ADGRB2: variants seen among roughly 807,000 people sequenced by gnomAD.
ADGRB2 encodes brain-specific angiogenesis inhibitor 2.
Under a neutral mutation model 178.7 loss-of-function variants are expected in ADGRB2, and 47 were observed. The ratio of observed to expected loss-of-function variants is 0.26; its 90% CI spans 0.21 to 0.34. The LOEUF is 0.34. ADGRB2 is among the 10% of genes least tolerant of loss of function. The pLI, the probability that ADGRB2 is intolerant of heterozygous loss-of-function variation, is 1.00. For synonymous variants in ADGRB2, 870 were observed against 912.4 expected, an observed-to-expected ratio of 0.95 and a Z score of 0.84; for missense variants, 1,584 against 2,180.8, an observed-to-expected ratio of 0.73 and a Z score of 5.45.
intron 14 of ADGRB2, 111 bp downstream of exon 14, chr1:31,739,815 G>C: frequency 1.6e-6 from 2 of 1,230,250 alleles, no homozygotes; most frequent in South Asian, 1.4e-5. Context: ...AGATGAAGGA[G>C]AGGGTAGAAT....
rs1307871282 is a variant in ADGRB2, at chr1:31,740,749, A to G, written c.1795-208T>C. ...GAGAATCCCAAAGGGTACTTTAAAA[A>G]AGACTGAAATAGAAACACCTAGAGA... is the stretch of plus-strand genomic sequence containing the variant. On this transcript the variant is annotated intron_variant, in intron 11 of 32. Coordinates refer to ENST00000373658, the MANE Select transcript of ADGRB2 (RefSeq NM_001364857.2). This position sits in a 1 kb window ranked among gnomAD's most constrained non-coding sequence, Gnocchi z 5.9. 6.6e-6 allele frequency among the ~76,000 whole-genome samples: 1 copy of G among 152,152 alleles called. No individual in the cohort carries two copies. The highest frequency in any genetic ancestry group is 1.5e-5 in the Non-Finnish European group (1 of 68,030).
chr1:31,749,044 C>T (rs759289550), intron 4 of ADGRB2, among the ~76,000 whole-genome samples: 6 of 152,180 alleles, frequency 3.9e-5, no homozygotes, highest in African/African-American at 7.2e-5. Context: ...TGGACCTCCT[C>T]GGAGACACCT....
chr1:31,746,348 C>G (rs551607964), intron 4 of ADGRB2, among the ~76,000 whole-genome samples: 90 of 152,260 alleles, frequency 5.9e-4, no homozygotes, highest in African/African-American at 2.1e-3. Context: ...CTCTGAATAG[C>G]ATCTGCAGTT....
chr1:31,739,354 C>T lies in ADGRB2; in HGVS notation c.2449G>A (p.Gly817Ser). The part of the protein sequence containing the change: ...DPDESSYFVI[G>S]AVLYRTLGLI... ...CCAAGGGTGCGGTAGAGTACAGCAC[C>T]GATCACAAAGTAGGAGGACTCATCA... The change falls in exon 15 of 33, where the codon GGT becomes AGT. Residue 817 changes from glycine (G) to serine (S), a missense_variant. Transcript: ENST00000373658. 1 of 1,496,920 alleles carries T rather than the reference C, an allele frequency of 6.7e-7. No individual in the cohort carries two copies. Among genetic ancestry groups the T allele is most frequent in the Non-Finnish European group, 8.9e-7 (1 of 1,120,636 alleles). The allele number at this position is 1,496,920 out of a possible 1,614,324, so 92.7% of individuals were successfully genotyped here.
At chr1:31,737,401 C>T (rs771843709) in intron 20 of ADGRB2, 28 bp downstream of exon 20, 3 of 1,592,632 alleles carry the variant, frequency 1.9e-6, no homozygotes, top group Admixed American at 1.7e-5. Flanking sequence ...CACTCACACC[C>T]CTGGCAGCCC....
intron 21 of ADGRB2, 74 bp downstream of exon 21, chr1:31,736,499 G>A: frequency 6.3e-7 from 1 of 1,598,802 alleles, no homozygotes; most frequent in Non-Finnish European, 8.5e-7. Flanking sequence ...CTGGGCCAGG[G>A]CCAAAGCTGA....
chr1:31,756,687 C>A lies in ADGRB2; in HGVS notation c.150G>T (p.Gly50=). ...GAAAGAGGTCCTGCAGCGAGAAGGC[C>A]CCGTAGAGCACACCCGAGGCCAGGG... is the stretch of plus-strand genomic sequence containing the variant. The part of the protein sequence containing the change: ...CSALASGVLY[G]AFSLQDLFPT... Residue 50 remains glycine (G), a synonymous_variant, in exon 4 of 33, where the codon GGG becomes GGT. Coordinates refer to ENST00000373658, the MANE Select transcript of ADGRB2 (RefSeq NM_001364857.2). This position sits in a 1 kb window ranked among gnomAD's most constrained non-coding sequence, Gnocchi z 8.5. 6.2e-7 allele frequency: 1 copy of A among 1,608,056 alleles called. No homozygotes were observed. The highest frequency in any genetic ancestry group is 8.5e-7 in the Non-Finnish European group (1 of 1,177,454).
rs907840163 is a variant in ADGRB2 at position 31,761,125 on chromosome 1, G to C, written c.-191+2759C>G. ...TGGAGCCGCCGTTGCTACAGGAACC[G>C]AATGCTTTTGTTCCCCAATGTCAGG... On this transcript the variant is annotated intron_variant, in intron 1 of 32. Coordinates refer to ENST00000373658, the MANE Select transcript of ADGRB2 (RefSeq NM_001364857.2). The surrounding 1 kb of genome is among the most constrained non-coding windows in gnomAD (Gnocchi z 4.2). 1 of 152,250 alleles carries C rather than the reference G, an allele frequency of 6.6e-6. No individual in the cohort carries two copies. Among genetic ancestry groups the C allele is most frequent in the Non-Finnish European group, 1.5e-5 (1 of 68,072 alleles). The allele number at this position is 152,250 out of a possible 1,614,324, so 9.4% of individuals were successfully genotyped here.
At chr1:31,743,105 C>A in intron 6 of ADGRB2, 103 bp from the exon 7 acceptor site, 1 of 1,267,248 alleles carries the variant, frequency 7.9e-7, no homozygotes. Flanking sequence ...AGCTCTGCGG[C>A]TGCTCCTCAT....
At position 31,742,211 on chromosome 1, in the gene ADGRB2, C is replaced by A. The variant is rs1646012563; in HGVS notation, c.1259G>T (p.Gly420Val). ...CCAGGGACCCCATTCTAACCACTGG[C>A]CTTCCACTGCATGGGGAGACACAAG... ...LCSMAACPVE[G>V]QWLEWGPWGP... Residue 420 changes from glycine to valine, a missense_variant, in exon 8 of 33, where the codon GGC (glycine) becomes GTC (valine). This residue lies in a region of ADGRB2 where 657 missense variants were observed against 847.6 expected (regional missense o/e 0.78). Coordinates refer to ENST00000373658, the MANE Select transcript of ADGRB2 (RefSeq NM_001364857.2). 6.2e-7 allele frequency: 1 copy of A among 1,600,494 alleles called. No homozygotes were observed. The highest frequency in any genetic ancestry group is 2.2e-5 in the East Asian group (1 of 44,686).
rs1050710140 is a variant in ADGRB2 at position 31,728,592 on chromosome 1, C to T, written c.4416+6G>A. 11 of 1,613,942 alleles carry T rather than the reference C, an allele frequency of 6.8e-6. No homozygotes were observed. Among genetic ancestry groups the T allele is most frequent in the Non-Finnish European group, 9.3e-6 (11 of 1,180,002 alleles). Reference sequence around the variant, plus strand: ...TCCCACCGCCCAGCACACACATGGCCCTTACCTCAAAGTCCAGGTCTGAAT... The same window carrying T: ...TCCCACCGCCCAGCACACACATGGCTCTTACCTCAAAGTCCAGGTCTGAAT... On this transcript the variant is annotated splice_donor_region_variant and intron_variant, in intron 30 of 32. Transcript: ENST00000373658. This position sits in a 1 kb window ranked among gnomAD's most constrained non-coding sequence, Gnocchi z 6.7.
rs971056436 is a variant in ADGRB2 at position 31,751,192 on chromosome 1, C to A, written c.838+4807G>T. Among the ~76,000 whole-genome samples, 3 of 152,362 alleles carry A rather than the reference C, an allele frequency of 2.0e-5. No individual in the cohort carries two copies. The South Asian group carries it at 6.2e-4, about 32-fold the overall frequency. On this transcript the variant is annotated intron_variant, in intron 4 of 32. Coordinates refer to ENST00000373658, the MANE Select transcript of ADGRB2 (RefSeq NM_001364857.2). ...CCCCGGCGTGGTTCACACCTCCACG[C>A]CCTTGCACAGGCTGTTTCCTCTACC...
Position 31,740,507 on chromosome 1 carries a change from A to G in ADGRB2, c.1829T>C (p.Leu610Pro), listed in dbSNP as rs762071081. ...REHLAKGQRMLAGEGMSQVVR... is the reference protein window; with the variant it reads ...REHLAKGQRMPAGEGMSQVVR... ...CACCTGCGACATGCCCTCGCCTGCCAGCATGCGCTGCCCCTTGGCCAGGTG... is the reference window on the plus strand; with the variant it reads ...CACCTGCGACATGCCCTCGCCTGCCGGCATGCGCTGCCCCTTGGCCAGGTG... Residue 610 changes from leucine to proline, a missense_variant, in exon 12 of 33, where the codon CTG becomes CCG. Leu to Pro is a moderately conservative substitution (Grantham distance 98, BLOSUM62 -3). Coordinates refer to ENST00000373658, the MANE Select transcript of ADGRB2 (RefSeq NM_001364857.2). This position sits in a 1 kb window ranked among gnomAD's most constrained non-coding sequence, Gnocchi z 5.9. 1 of 1,612,048 alleles carries G rather than the reference A, an allele frequency of 6.2e-7. No homozygotes were observed. The highest frequency in any genetic ancestry group is 1.1e-5 in the South Asian group (1 of 90,840).
Position 31,735,944 on chromosome 1 carries a change from A to T in ADGRB2, c.3201-51T>A. ...CAGACACCCAGCAGCCTCCCTCCCC[A>T]CCCTCAAACACCATCCCTCAGTCCT... On this transcript the variant is annotated intron_variant, in intron 22 of 32. Coordinates refer to ENST00000373658, the MANE Select transcript of ADGRB2 (RefSeq NM_001364857.2). The surrounding 1 kb of genome is among the most constrained non-coding windows in gnomAD (Gnocchi z 6.0). 6.7e-7 allele frequency: 1 copy of T among 1,499,792 alleles called. No individual in the cohort carries two copies. The highest frequency in any genetic ancestry group is 9.0e-7 in the Non-Finnish European group (1 of 1,108,178). The allele number at this position is 1,499,792 out of a possible 1,614,324, so 92.9% of individuals were successfully genotyped here. A position where few individuals can be genotyped will look rare whatever the true frequency, so the allele number is the denominator to read the frequency against.
At chr1:31,752,201 G>T (rs529135308) in intron 4 of ADGRB2, among the ~76,000 whole-genome samples, 1 of 152,272 alleles carries the variant, frequency 6.6e-6, no homozygotes, top group South Asian at 2.1e-4. Context: ...CCAGCCCTAG[G>T]CCTGGCACAA....
intron 4 of ADGRB2, among the ~76,000 whole-genome samples, chr1:31,745,407 G>A (rs1646221274): frequency 6.6e-6 from 1 of 152,176 alleles, no homozygotes. Context: ...AGAACAGCAG[G>A]TGCTCGAGGA....
chr1:31,727,447 C>T lies in ADGRB2; in HGVS notation c.4731G>A (p.Pro1577=), dbSNP rs151311268. The T allele has an allele frequency of 4.0e-5, 63 of 1,587,998 alleles. No homozygotes were observed. The African/African-American group carries it at 5.6e-4, about 14-fold the overall frequency. The part of the protein sequence containing the change: ...RAAAWEPTEP[P]DGDFQTEV ...ACACCTCTGTCTGGAAGTCACCATCCGGTGGTTCTGTGGGCTCCCAGGCTG... is the reference window on the plus strand; with the variant it reads ...ACACCTCTGTCTGGAAGTCACCATCTGGTGGTTCTGTGGGCTCCCAGGCTG... The change falls in exon 33 of 33, where the codon CCG becomes CCA. Residue 1577 remains proline, a synonymous_variant. Transcript: ENST00000373658. The surrounding 1 kb of genome is among the most constrained non-coding windows in gnomAD (Gnocchi z 4.4).
At chr1:31,748,439 G>C (rs1428602682) in intron 4 of ADGRB2, among the ~76,000 whole-genome samples, 1 of 152,256 alleles carries the variant, frequency 6.6e-6, no homozygotes, top group Non-Finnish European at 1.5e-5. Flanking sequence ...TCTCCCTGGA[G>C]GGGGAAGAAG....
Position 31,763,763 on chromosome 1 carries a change from G to A in ADGRB2, c.-191+121C>T, listed in dbSNP as rs1003147644. The A allele has an allele frequency of 1.1e-5, 11 of 980,536 alleles. No homozygotes were observed. In the African/African-American group the frequency reaches 1.9e-4, roughly 17 times the overall value. 60.7% of individuals were successfully genotyped at this position (980,536 alleles called of 1,614,324 possible). A position where few individuals can be genotyped will look rare whatever the true frequency, so the allele number is the denominator to read the frequency against. ...GCTGAACGAACTCAGTTCGGGCTGG[G>A]GGAGAATTCAGCAGAGACGGGTTAG... On this transcript the variant is annotated intron_variant, in intron 1 of 32. Transcript: ENST00000373658.
Sources: allele counts gnomAD v4.1 joint callset (sites outside exome capture counted in the v4.1 genomes callset), GRCh38; gene constraint gnomAD v4.1.1; regional missense constraint gnomAD v4.1.1; non-coding constraint Gnocchi (gnomAD v3.1); transcripts MANE v1.5; gene names NCBI Gene and HGNC (gene_info 2026-07-23, HGNC 2026-07-21).